The following PDIA5 variants were observed in gnomAD, a reference collection of about 807,000 sequenced individuals.
The protein encoded by PDIA5 is protein disulfide-isomerase A5.
PDIA5 carries 58 observed loss-of-function variants against 77.6 expected under a neutral mutation model. The observed-to-expected ratio is 0.75, with a 90% CI of 0.61 to 0.93. The LOEUF (loss-of-function observed/expected upper bound fraction) is 0.93, where lower values mean the gene tolerates loss of function less well. Ranked by LOEUF, PDIA5 falls within the 40% of genes least tolerant of loss-of-function variation. The probability of loss-of-function intolerance (pLI) is 0.00; values close to 1 mark genes in which losing one functional copy is unlikely to be tolerated. For missense variants in PDIA5, 630 were observed against 647.7 expected (o/e 0.97, Z 0.30); for synonymous variants, 250 against 252.1 (o/e 0.99, Z 0.08).
At chr3:123,156,627 G>T (rs1311389098) in intron 15 of PDIA5, among the ~76,000 whole-genome samples, 2 of 152,214 alleles carry the variant, frequency 1.3e-5, no homozygotes, top group African/African-American at 4.8e-5. Context: ...CTGGGCAGCA[G>T]GAGAAAGGCT....
At position 123,118,084 on chromosome 3, in the gene PDIA5, G is replaced by A. The variant is rs544985080; in HGVS notation, c.609+1786G>A. Among the ~76,000 whole-genome samples the A allele has an allele frequency of 2.6e-5, 4 of 152,344 alleles. No individual in the cohort carries two copies. The South Asian group carries it at 8.3e-4, about 32-fold the overall frequency. On this transcript the variant is annotated intron_variant, in intron 8 of 16. Coordinates refer to ENST00000316218, the MANE Select transcript of PDIA5 (RefSeq NM_006810.4). ...GTCAACTTAAAAAGTTTAAGTGGCA[G>A]CACCTGGGCATGGAGACGGCCCTGC...
rs1433631689 is a variant in PDIA5, at chr3:123,157,228, C to T, written c.1344+2187C>T. ...GCCTGGGTTTCCTGGAGGTTATATTCATGACATCAGGGAAGCCAGCCATCT... is the reference window on the plus strand; with the variant it reads ...GCCTGGGTTTCCTGGAGGTTATATTTATGACATCAGGGAAGCCAGCCATCT... On this transcript the variant is annotated intron_variant, in intron 15 of 16. Coordinates refer to ENST00000316218, the MANE Select transcript of PDIA5 (RefSeq NM_006810.4). Among the ~76,000 whole-genome samples the T allele has an allele frequency of 3.9e-5, 6 of 152,332 alleles. No homozygotes were observed. In the East Asian group the frequency reaches 1.2e-3, roughly 29 times the overall value.
At chr3:123,161,226 G>GC in intron 15 of PDIA5, 95 bp from the exon 16 acceptor site, 1 of 1,324,170 alleles carries the variant, frequency 7.6e-7, no homozygotes, top group Non-Finnish European at 1.0e-6. Context: ...ATCAGAGTGG[G>GC]CCTGTGACGT....
At chr3:123,160,014 T>A (rs1936121421) in intron 15 of PDIA5, among the ~76,000 whole-genome samples, 1 of 152,260 alleles carries the variant, frequency 6.6e-6, no homozygotes, top group Admixed American at 6.5e-5. Context: ...TGAATCACCC[T>A]CTTTTAATTT....
chr3:123,132,098 A>G (rs149557475), intron 11 of PDIA5, among the ~76,000 whole-genome samples: 121 of 152,272 alleles, frequency 7.9e-4, no homozygotes, highest in East Asian at 3.9e-3. Flanking sequence ...CTTTTGTTTT[A>G]CCCAGCGTGC....
At chr3:123,081,909 T>C (rs1187940500) in intron 1 of PDIA5, among the ~76,000 whole-genome samples, 1 of 152,190 alleles carries the variant, frequency 6.6e-6, no homozygotes, top group African/African-American at 2.4e-5. Flanking sequence ...TTTAGTCTGA[T>C]GGAGATGCTG....
At chr3:123,079,355 T>G (rs897475393) in intron 1 of PDIA5, among the ~76,000 whole-genome samples, 2 of 152,016 alleles carry the variant, frequency 1.3e-5, no homozygotes, top group Admixed American at 6.6e-5. Context: ...TAATTTTTTG[T>G]ATTTTTAGTA....
chr3:123,090,621 T>G (rs1218194526), intron 2 of PDIA5, among the ~76,000 whole-genome samples: 2 of 152,158 alleles, frequency 1.3e-5, no homozygotes, highest in Non-Finnish European at 2.9e-5. Context: ...TTTTCTCTGA[T>G]GGAGGATGGG....
intron 3 of PDIA5, among the ~76,000 whole-genome samples, chr3:123,099,768 G>T (rs1427554201): frequency 1.3e-5 from 2 of 152,228 alleles, no homozygotes; most frequent in Non-Finnish European, 2.9e-5. Context: ...CCATGGAGGG[G>T]TTTCCCACAG....
chr3:123,092,448 T>C lies in PDIA5; in HGVS notation c.257+6T>C. 6.2e-7 allele frequency: 1 copy of C among 1,611,120 alleles called. No individual in the cohort carries two copies. The highest frequency in any genetic ancestry group is 2.2e-5 in the East Asian group (1 of 44,852). On this transcript the variant is annotated splice_donor_region_variant and intron_variant, in intron 3 of 16. Transcript: ENST00000316218. ...ATCTGCTGGGTGGACTGTGGGTATG[T>C]GCTGGGGCCATGTGCCATGGTGGCT...
At chr3:123,090,310 C>T (rs780476560) in intron 2 of PDIA5, among the ~76,000 whole-genome samples, 15 of 152,312 alleles carry the variant, frequency 9.8e-5, no homozygotes, top group Non-Finnish European at 1.6e-4. Flanking sequence ...AAGCAGTGTC[C>T]TCTTGAGGCC....
At chr3:123,097,692 C>T (rs1560511122) in intron 3 of PDIA5, among the ~76,000 whole-genome samples, 1 of 151,826 alleles carries the variant, frequency 6.6e-6, no homozygotes, top group Non-Finnish European at 1.5e-5. Flanking sequence ...CGCCCCCGCC[C>T]CCTCCCCCTC....
chr3:123,102,391 C>G lies in PDIA5; in HGVS notation c.258-20C>G. On this transcript the variant is annotated intron_variant, in intron 3 of 16. Transcript: ENST00000316218. ...GAGGACTTCAGGTAATAAATGGTTC[C>G]CAACATTTGTGTCTTCCAGTGATGC... is the stretch of plus-strand genomic sequence containing the variant. 1 of 1,600,676 alleles carries G rather than the reference C, an allele frequency of 6.2e-7. No individual in the cohort carries two copies. The highest frequency in any genetic ancestry group is 8.6e-7 in the Non-Finnish European group (1 of 1,167,778).
In PDIA5 at chr3:123,106,744, C is replaced by T. The variant is rs1404057659; in HGVS notation, c.388-5C>T. 1.3e-6 allele frequency: 2 copies of T among 1,599,370 alleles called. No individual in the cohort carries two copies. The highest frequency in any genetic ancestry group is 8.6e-7 in the Non-Finnish European group (1 of 1,168,998). ...GCATTTTCTCTTCTCTTTTTTTTCC[C>T]TCAGTCCATAGTGGCCTTTTTGAAG... On this transcript the variant is annotated splice_polypyrimidine_tract_variant and splice_region_variant and intron_variant, in intron 5 of 16. Transcript: ENST00000316218.
chr3:123,110,525 G>T (rs989721517), intron 6 of PDIA5, among the ~76,000 whole-genome samples: 3 of 152,150 alleles, frequency 2.0e-5, no homozygotes, highest in African/African-American at 7.2e-5. Flanking sequence ...CAACAAAACC[G>T]CTGTGTAAGT....
intron 3 of PDIA5, among the ~76,000 whole-genome samples, chr3:123,092,796 A>G (rs1381699565): frequency 1.3e-5 from 2 of 151,956 alleles, no homozygotes; most frequent in African/African-American, 4.8e-5. Flanking sequence ...GGTGATTTTC[A>G]AGGTTACCCA....
At chr3:123,097,458 G>T (rs552513916) in intron 3 of PDIA5, among the ~76,000 whole-genome samples, 1 of 152,192 alleles carries the variant, frequency 6.6e-6, no homozygotes, top group South Asian at 2.1e-4. Context: ...ACCTTCTTGA[G>T]GCACGTACCA....
intron 5 of PDIA5, among the ~76,000 whole-genome samples, chr3:123,103,968 C>T (rs989323006): frequency 5.3e-5 from 8 of 152,064 alleles, no homozygotes; most frequent in South Asian, 4.2e-4. Context: ...TATGTTTAAC[C>T]GGGACCTCTG....
chr3:123,089,242 G>T lies in PDIA5; in HGVS notation c.117G>T (p.Leu39Phe), dbSNP rs1382617662. Residue 39 changes from leucine to phenylalanine, a missense_variant, in exon 2 of 17, where the codon TTG becomes TTT. Leu to Phe is a conservative substitution (Grantham distance 22, BLOSUM62 0). Coordinates refer to ENST00000316218, the MANE Select transcript of PDIA5 (RefSeq NM_006810.4). ...AGAGAATCTCTGACCCCAAGGACTTGAAAAAACTGCTCAGAACCCGGAATA... is the reference window on the plus strand; with the variant it reads ...AGAGAATCTCTGACCCCAAGGACTTTAAAAAACTGCTCAGAACCCGGAATA... ...LIERISDPKD[L>F]KKLLRTRNNV... 2 of 1,614,156 alleles carry T rather than the reference G, an allele frequency of 1.2e-6. No individual in the cohort carries two copies. The highest frequency in any genetic ancestry group is 4.5e-5 in the East Asian group (2 of 44,890).
Sources: allele counts gnomAD v4.1 joint callset (sites outside exome capture counted in the v4.1 genomes callset), GRCh38; gene constraint gnomAD v4.1.1; transcripts MANE v1.5; gene names NCBI Gene and HGNC (gene_info 2026-07-23, HGNC 2026-07-21).